The following CNGB1 variants were observed in gnomAD, a reference collection of about 807,000 sequenced individuals.
CNGB1 encodes cyclic nucleotide gated channel subunit beta 1.
In CNGB1, 126 loss-of-function variants were observed where a neutral mutation model predicts 151.7. That is an observed-to-expected ratio of 0.83 (90% confidence interval 0.72 to 0.96). CNGB1 has a LOEUF of 0.96. CNGB1 is among the 40% of genes least tolerant of loss of function. The probability of loss-of-function intolerance (pLI) is 0.00; values close to 1 mark genes in which losing one functional copy is unlikely to be tolerated. For missense variants in CNGB1, 1,698 were observed against 1,627.0 expected (o/e 1.04, Z -0.75); for synonymous variants, 623 against 635.1 (o/e 0.98, Z 0.29).
Position 57,884,100 on chromosome 16 carries a change from G to A in CNGB1, c.*64C>T. On this transcript the variant is annotated 3_prime_UTR_variant, in exon 33 of 33. Transcript: ENST00000251102. ...GGGGAAGGTGGGGCGCTGGGGCGCA[G>A]GGGCGCAGCGGGCGCTGGGGACACA... 1 of 1,609,152 alleles carries A rather than the reference G, an allele frequency of 6.2e-7. No homozygotes were observed. Among genetic ancestry groups the A allele is most frequent in the South Asian group, 1.1e-5 (1 of 90,968 alleles).
intron 18 of CNGB1, among the ~76,000 whole-genome samples, chr16:57,922,255 C>CT (rs1961056418): frequency 6.6e-6 from 1 of 152,102 alleles, no homozygotes. Context: ...TGGCCAAGGA[C>CT]TGTGATTGGG....
rs770735553 is a variant in CNGB1, at chr16:57,920,418, G to A, written c.1770C>T (p.Asp590=). The stretch of plus-strand genomic sequence containing the variant: ...TGGGGCTCTCCTCATCAGAGGTGAC[G>A]TCAGGGTCAATGAGTTTCTCCTTCA... ...EKVKEKLIDP[D]VTSDEESPKP... The change falls in exon 19 of 33, where the codon GAC becomes GAT. Residue 590 remains aspartate (D), a synonymous_variant. Coordinates refer to ENST00000251102, the MANE Select transcript of CNGB1 (RefSeq NM_001297.5). 2.3e-5 allele frequency: 37 copies of A among 1,614,054 alleles called. No individual in the cohort carries two copies. The highest frequency in any genetic ancestry group is 1.6e-4 in the Middle Eastern group (1 of 6,084).
At chr16:57,960,366 G>T in intron 9 of CNGB1, 116 bp downstream of exon 9, 2 of 1,366,804 alleles carry the variant, frequency 1.5e-6, no homozygotes, top group Non-Finnish European at 2.0e-6. Context: ...CCTGAACCCC[G>T]TCCTAGTCTG....
intron 4 of CNGB1, among the ~76,000 whole-genome samples, chr16:57,963,470 C>T (rs780087369): frequency 1.1e-4 from 16 of 152,204 alleles, no homozygotes; most frequent in Non-Finnish European, 1.9e-4. Context: ...GAGCACACAT[C>T]GTGCTCCCAA....
At position 57,901,623 on chromosome 16, in the gene CNGB1, C is replaced by T; in HGVS notation, c.2797G>A (p.Glu933Lys). The T allele has an allele frequency of 1.9e-6, 3 of 1,613,664 alleles. No homozygotes were observed. The highest frequency in any genetic ancestry group is 2.5e-6 in the Non-Finnish European group (3 of 1,179,906). Residue 933 changes from glutamate (E) to lysine (K), a missense_variant and splice_region_variant, in exon 28 of 33, where the codon GAG becomes AAG. By Grantham distance (56) the Glu-to-Lys change is moderately conservative. Coordinates refer to ENST00000251102, the MANE Select transcript of CNGB1 (RefSeq NM_001297.5). ...GGAAGCTGCACCATCAGCTCTGACT[C>T]ATCTGTGAACAAGGCCTGGCAAGGG... is the stretch of plus-strand genomic sequence containing the variant. ...YTWHSQGMLD[E>K]SELMVQLPDK...
intron 29 of CNGB1, among the ~76,000 whole-genome samples, chr16:57,898,583 T>C (rs1321138281): frequency 2.0e-5 from 3 of 152,010 alleles, no homozygotes; most frequent in Non-Finnish European, 4.4e-5. Flanking sequence ...GCCCGGCAAA[T>C]TTTTGTATTT....
chr16:57,908,728 C>T (rs1233993792), intron 25 of CNGB1, among the ~76,000 whole-genome samples: 1 of 152,230 alleles, frequency 6.6e-6, no homozygotes, highest in Non-Finnish European at 1.5e-5. Context: ...TCCGCTCTGA[C>T]TCTGCAGGCC....
chr16:57,949,802 G>T (rs557676772), intron 13 of CNGB1, among the ~76,000 whole-genome samples: 1 of 152,340 alleles, frequency 6.6e-6, no homozygotes, highest in East Asian at 1.9e-4. Context: ...CATCCCTGTG[G>T]AAGGCGACTT....
intron 13 of CNGB1, 42 bp downstream of exon 13, chr16:57,950,338 TC>T (rs1422169343): frequency 3.2e-5 from 52 of 1,612,488 alleles, no homozygotes; most frequent in Non-Finnish European, 4.3e-5. Context: ...TGGCACTTTC[TC>T]AAACAATAAC....
chr16:57,912,882 T>G, intron 24 of CNGB1, 48 bp downstream of exon 24: 3 of 1,580,476 alleles, frequency 1.9e-6, no homozygotes, highest in Non-Finnish European at 2.6e-6. Flanking sequence ...TGTGTGTTTG[T>G]GAGTGTCATG....
chr16:57,912,513 T>C (rs934288691), intron 24 of CNGB1, among the ~76,000 whole-genome samples: 2 of 152,036 alleles, frequency 1.3e-5, no homozygotes, highest in African/African-American at 4.8e-5. Context: ...AGACGGGGCC[T>C]GGAGGTCAGT....
intron 26 of CNGB1, 76 bp from the exon 27 acceptor site, chr16:57,904,057 G>A: frequency 7.0e-7 from 1 of 1,421,794 alleles, no homozygotes; most frequent in Non-Finnish European, 9.8e-7. Flanking sequence ...GATTTGGGAT[G>A]TGTCACTTCA....
intron 14 of CNGB1, among the ~76,000 whole-genome samples, chr16:57,940,818 C>A (rs1181184514): frequency 6.6e-6 from 1 of 152,084 alleles, no homozygotes; most frequent in African/African-American, 2.4e-5. Flanking sequence ...CCACACAAAC[C>A]TCAAACCCAG....
intron 17 of CNGB1, among the ~76,000 whole-genome samples, chr16:57,923,806 G>A (rs1464810675): frequency 1.3e-5 from 2 of 152,064 alleles, no homozygotes; most frequent in Non-Finnish European, 2.9e-5. Context: ...CCTGTCTAAA[G>A]TCACCCACCT....
chr16:57,964,653 C>A (rs566923115), intron 2 of CNGB1, 109 bp from the exon 3 acceptor site: 102 of 1,023,574 alleles, frequency 1.0e-4, no homozygotes, highest in Admixed American at 1.1e-4. Context: ...AAGACCTGAA[C>A]GACTCTTTCC....
chr16:57,913,209 G>A (rs1353293553), intron 23 of CNGB1, among the ~76,000 whole-genome samples: 1 of 152,166 alleles, frequency 6.6e-6, no homozygotes, highest in African/African-American at 2.4e-5. Flanking sequence ...TCTTCCCTTG[G>A]AAATGACATG....
At chr16:57,953,279 G>A (rs796995898) in intron 12 of CNGB1, among the ~76,000 whole-genome samples, 8 of 152,254 alleles carry the variant, frequency 5.3e-5, no homozygotes, top group African/African-American at 1.9e-4. Context: ...GGCAGATCAT[G>A]AGGTCAAGAG....
intron 16 of CNGB1, among the ~76,000 whole-genome samples, chr16:57,934,494 C>T (rs1041517241): frequency 1.3e-5 from 2 of 152,174 alleles, no homozygotes; most frequent in African/African-American, 4.8e-5. Flanking sequence ...CTTCTCATTA[C>T]CTTGTCTGTA....
chr16:57,944,084 C>T (rs1436809421), intron 14 of CNGB1, among the ~76,000 whole-genome samples: 3 of 151,878 alleles, frequency 2.0e-5, no homozygotes, highest in Non-Finnish European at 4.4e-5. Flanking sequence ...GTCGGGGTTT[C>T]ACCATGTTGG....
Sources: gnomAD v4.1 joint callset for allele counts (sites outside exome capture counted in the v4.1 genomes callset) on GRCh38, gnomAD v4.1.1 for gene constraint, MANE v1.5 for transcripts, NCBI Gene and HGNC (gene_info 2026-07-23, HGNC 2026-07-21) for gene names.